The following SLC13A4 variants were observed in gnomAD, a reference collection of about 807,000 sequenced individuals.
SLC13A4 encodes the protein Na(+)/sulfate cotransporter SUT-1.
Under a neutral mutation model 72.7 loss-of-function variants are expected in SLC13A4, and 28 were observed. The ratio of observed to expected loss-of-function variants is 0.39; its 90% CI spans 0.29 to 0.53. The LOEUF is 0.53. SLC13A4 is among the 20% of genes least tolerant of loss of function. The pLI, the probability that SLC13A4 is intolerant of heterozygous loss-of-function variation, is 0.78. For synonymous variants in SLC13A4, 312 were observed against 325.5 expected (o/e 0.96, Z 0.45); for missense variants, 653 against 788.0 (o/e 0.83, Z 2.05).
chr7:135,721,290 G>T, intron 2 of SLC13A4, 105 bp downstream of exon 2: 1 of 1,361,362 alleles, frequency 7.3e-7, no homozygotes, highest in Non-Finnish European at 1.0e-6. Context: ...TGGGTGACAA[G>T]GCCCCCTCAT....
intron 10 of SLC13A4, chr7:135,693,452 A>G (rs1795836423): frequency 1.1e-5 from 1 of 91,182 alleles, no homozygotes; most frequent in Admixed American, 1.2e-4. Flanking sequence ...GGGTGCTAAG[A>G]ATCCAGTCAA....
intron 13 of SLC13A4, among the ~76,000 whole-genome samples, chr7:135,690,256 G>A (rs1484657509): frequency 1.3e-5 from 2 of 148,606 alleles, no homozygotes; most frequent in African/African-American, 5.0e-5. Context: ...GATGGAGGGA[G>A]AAATAGTCTG....
At chr7:135,719,463 C>T (rs1796496455) in intron 2 of SLC13A4, among the ~76,000 whole-genome samples, 2 of 152,106 alleles carry the variant, frequency 1.3e-5, no homozygotes, top group African/African-American at 2.4e-5. Context: ...ACTTTCAAGC[C>T]CTGCCCTTGC....
chr7:135,717,041 T>C (rs368122332), intron 2 of SLC13A4, among the ~76,000 whole-genome samples: 119 of 152,360 alleles, frequency 7.8e-4, no homozygotes, highest in South Asian at 1.7e-3. Flanking sequence ...TGTCTCATTC[T>C]GCCACCGTAC....
intron 2 of SLC13A4, among the ~76,000 whole-genome samples, chr7:135,711,850 T>C (rs1796309976): frequency 6.6e-6 from 1 of 151,860 alleles, no homozygotes; most frequent in South Asian, 2.1e-4. Flanking sequence ...CTCTGCCTCC[T>C]GAGTTTAAGC....
chr7:135,682,553 G>A (rs958234105), intron 15 of SLC13A4, among the ~76,000 whole-genome samples: 8 of 152,248 alleles, frequency 5.3e-5, no homozygotes, highest in South Asian at 2.1e-4. Context: ...CTCTCCTGCC[G>A]TCTGGTCGGG....
intron 8 of SLC13A4, among the ~76,000 whole-genome samples, chr7:135,696,477 T>C (rs1795907582): frequency 1.3e-5 from 2 of 152,160 alleles, no homozygotes; most frequent in Admixed American, 1.3e-4. Context: ...GCCTCCCAAG[T>C]AGCTGGGATT....
chr7:135,691,396 G>A (rs1795783341), intron 12 of SLC13A4, 71 bp from the exon 13 acceptor site: 1 of 1,553,026 alleles, frequency 6.4e-7, no homozygotes, highest in Non-Finnish European at 8.7e-7. Context: ...GAGCCTAATT[G>A]GTGAAGTGGA....
chr7:135,681,687 A>G lies in SLC13A4; in HGVS notation c.1760T>C (p.Leu587Pro). 6.2e-7 allele frequency: 1 copy of G among 1,613,540 alleles called. No individual in the cohort carries two copies. Among genetic ancestry groups the G allele is most frequent in the Non-Finnish European group, 8.5e-7 (1 of 1,179,686 alleles). The stretch of plus-strand genomic sequence containing the variant: ...CACCAGTCCAATAACGTTGACTCCC[A>G]GGCCAGCTTTCACCTGCAGGACACA... ...CQIKDMVKAGLGVNVIGLVIV... is the reference protein window; with the variant it reads ...CQIKDMVKAGPGVNVIGLVIV... Residue 587 changes from leucine (L) to proline (P), a missense_variant, in exon 16 of 16, where the codon CTG becomes CCG. By Grantham distance (98) the Leu-to-Pro change is moderately conservative. Coordinates refer to ENST00000682651, the MANE Select transcript of SLC13A4 (RefSeq NM_001318192.2).
chr7:135,699,450 C>G lies in SLC13A4; in HGVS notation c.813G>C (p.Leu271=). The change falls in exon 8 of 16, where the codon CTG becomes CTC. Residue 271 remains leucine (L), a synonymous_variant. Coordinates refer to ENST00000682651, the MANE Select transcript of SLC13A4 (RefSeq NM_001318192.2). The part of the protein sequence containing the change: ...HDQMICKCLS[L]SISYSATIGG... The stretch of plus-strand genomic sequence containing the variant: ...CAATGGTAGCGGAGTAGGATATGCT[C>G]AGGGAGAGGCACTTGCAGATCATCT... The G allele has an allele frequency of 6.2e-7, 1 of 1,613,198 alleles. No individual in the cohort carries two copies. Among genetic ancestry groups the G allele is most frequent in the Non-Finnish European group, 8.5e-7 (1 of 1,179,648 alleles).
intron 15 of SLC13A4, 77 bp downstream of exon 15, chr7:135,684,047 T>C: frequency 6.8e-7 from 1 of 1,463,062 alleles, no homozygotes; most frequent in East Asian, 2.4e-5. Flanking sequence ...AAAATAAGCT[T>C]TGAAAGAAGG....
intron 4 of SLC13A4, 75 bp downstream of exon 4, chr7:135,706,053 C>T: frequency 6.8e-7 from 1 of 1,474,574 alleles, no homozygotes; most frequent in Non-Finnish European, 9.2e-7. Flanking sequence ...GGGCAGTCTC[C>T]CTAGAGGAGC....
At chr7:135,720,988 C>G (rs1796535944) in intron 2 of SLC13A4, among the ~76,000 whole-genome samples, 1 of 152,202 alleles carries the variant, frequency 6.6e-6, no homozygotes, top group Non-Finnish European at 1.5e-5. Context: ...CTACTGTGTA[C>G]AGGCTCAGCT....
rs529940903 is a variant in SLC13A4 at position 135,711,963 on chromosome 7, ATTTTTTTTTTTTTTTT to A, written c.229-3729_229-3714del. Among the ~76,000 whole-genome samples, 136 of 46,900 alleles carry A rather than the reference ATTTTTTTTTTTTTTTT, an allele frequency of 2.9e-3. 1 individual carries two copies. Among genetic ancestry groups the A allele is most frequent in the Middle Eastern group, 0.016 (1 of 62 alleles). The allele number at this position is 46,900 out of a possible 152,430, so 30.8% of individuals were successfully genotyped here. A position where few individuals can be genotyped will look rare whatever the true frequency, so the allele number is the denominator to read the frequency against. On this transcript the variant is annotated intron_variant, in intron 2 of 15. Transcript: ENST00000682651. ...CACTACACCTGGCTAATGTTTTTGG[ATTTTTTTTTTTTTTTT>A]TTTTTTTTTTTTTTTTTTTTTAGTA... is the stretch of plus-strand genomic sequence containing the variant.
intron 2 of SLC13A4, among the ~76,000 whole-genome samples, chr7:135,710,466 T>G (rs1213230482): frequency 1.3e-5 from 2 of 151,734 alleles, no homozygotes; most frequent in African/African-American, 4.8e-5. Context: ...GATAGCCGCT[T>G]AAAGTGAGAA....
At chr7:135,692,058 T>C (rs912211759) in intron 11 of SLC13A4, 1 of 488,874 alleles carries the variant, frequency 2.0e-6, no homozygotes, top group Admixed American at 4.0e-5. Context: ...TTTCCTCCTT[T>C]AACTTTCATA....
intron 11 of SLC13A4, chr7:135,691,921 T>G: frequency 2.3e-6 from 1 of 434,764 alleles, no homozygotes; most frequent in Non-Finnish European, 4.1e-6. Flanking sequence ...TGATCAGGAG[T>G]GGAGTTGGTT....
chr7:135,690,863 A>G (rs903643888), intron 13 of SLC13A4, among the ~76,000 whole-genome samples: 1 of 152,052 alleles, frequency 6.6e-6, no homozygotes, highest in Non-Finnish European at 1.5e-5. Context: ...AAAGTATTTG[A>G]CCCATAAGAA....
chr7:135,688,297 C>T (rs1273051661), intron 13 of SLC13A4, among the ~76,000 whole-genome samples: 3 of 151,732 alleles, frequency 2.0e-5, no homozygotes, highest in Non-Finnish European at 4.4e-5. Flanking sequence ...GCTTTTGTCA[C>T]CCAGGCTGGA....
Sources: gnomAD v4.1 joint callset for allele counts (sites outside exome capture counted in the v4.1 genomes callset) on GRCh38, gnomAD v4.1.1 for gene constraint, MANE v1.5 for transcripts, NCBI Gene and HGNC (gene_info 2026-07-23, HGNC 2026-07-21) for gene names.